The following STPG4 variants were observed in gnomAD, a reference collection of about 807,000 sequenced individuals.
STPG4 encodes the protein protein STPG4.
In STPG4, 41 loss-of-function variants were observed where a neutral mutation model predicts 31.5. The ratio of observed to expected loss-of-function variants is 1.30; its 90% CI spans 1.01 to 1.69. The LOEUF (loss-of-function observed/expected upper bound fraction) is 1.69, where lower values mean the gene tolerates loss of function less well. Among genes scored for constraint, STPG4 ranks in the 40% most tolerant of loss-of-function variants. The pLI is 0.00. For synonymous variants in STPG4, 141 were observed against 103.0 expected (o/e 1.37, Z -2.24); for missense variants, 375 against 293.4 (o/e 1.28, Z -2.03).
chr2:47,104,360 T>C (rs1685859602), intron 5 of STPG4, among the ~76,000 whole-genome samples: 1 of 151,964 alleles, frequency 6.6e-6, no homozygotes, highest in Non-Finnish European at 1.5e-5. Flanking sequence ...ACCCCAATTC[T>C]GGGAGTAAAA....
intron 3 of STPG4, among the ~76,000 whole-genome samples, chr2:47,143,524 C>T (rs1164008667): frequency 8.0e-5 from 12 of 149,226 alleles, no homozygotes; most frequent in South Asian, 2.1e-4. Context: ...CTCGCTCTGT[C>T]GCCCAGGCTG....
At chr2:47,090,896 A>G (rs1685557703) in intron 5 of STPG4, among the ~76,000 whole-genome samples, 1 of 140,542 alleles carries the variant, frequency 7.1e-6, no homozygotes, top group Non-Finnish European at 1.5e-5. Context: ...ACAATTTTAA[A>G]AAGACAATCA....
At chr2:47,135,979 T>G (rs1366233207) in intron 3 of STPG4, among the ~76,000 whole-genome samples, 1 of 152,214 alleles carries the variant, frequency 6.6e-6, no homozygotes, top group Non-Finnish European at 1.5e-5. Context: ...GTTTTTGCCT[T>G]TCCATATATA....
intron 3 of STPG4, among the ~76,000 whole-genome samples, chr2:47,133,492 A>C (rs1366493307): frequency 6.6e-6 from 1 of 151,412 alleles, no homozygotes; most frequent in East Asian, 1.9e-4. Context: ...AGGCTTAGAG[A>C]ATCTAGGCAA....
At chr2:47,153,662 A>T (rs547626814) in intron 1 of STPG4, among the ~76,000 whole-genome samples, 2 of 152,142 alleles carry the variant, frequency 1.3e-5, no homozygotes, top group East Asian at 3.9e-4. Context: ...TGTAATCCCT[A>T]CTCATGAGGC....
chr2:47,090,360 A>C lies in STPG4; in HGVS notation c.534T>G (p.Gly178=). The C allele has an allele frequency of 6.4e-7, 1 of 1,551,230 alleles. No individual in the cohort carries two copies. The highest frequency in any genetic ancestry group is 8.7e-7 in the Non-Finnish European group (1 of 1,146,182). Residue 178 remains glycine, a synonymous_variant, in exon 6 of 7, where the codon GGT becomes GGG. Coordinates refer to ENST00000445927, the MANE Select transcript of STPG4 (RefSeq NM_001163561.2). ...TTYFIPHEGP[G]PGHYNVKMPP... ...GCATTTTCACATTATAATGACCTGG[A>C]CCAGGGCCTTCATGCTATTGAACAT...
At chr2:47,111,679 A>G (rs1686038608) in intron 5 of STPG4, among the ~76,000 whole-genome samples, 1 of 152,204 alleles carries the variant, frequency 6.6e-6, no homozygotes, top group Non-Finnish European at 1.5e-5. Context: ...GGTAAAAAAA[A>G]AATGGCCCTT....
At chr2:47,153,788 G>C (rs1686979883) in intron 1 of STPG4, among the ~76,000 whole-genome samples, 2 of 152,106 alleles carry the variant, frequency 1.3e-5, no homozygotes, top group South Asian at 4.1e-4. Context: ...GGAAAAAAAA[G>C]ACTAAGGCAT....
At chr2:47,118,885 T>C (rs1181671068) in intron 5 of STPG4, among the ~76,000 whole-genome samples, 1 of 152,216 alleles carries the variant, frequency 6.6e-6, no homozygotes, top group African/African-American at 2.4e-5. Flanking sequence ...CTGTAGTTGA[T>C]TTATAAAGTT....
chr2:47,135,915 G>A (rs1028144046), intron 3 of STPG4, among the ~76,000 whole-genome samples: 2 of 152,156 alleles, frequency 1.3e-5, no homozygotes, highest in East Asian at 1.9e-4. Context: ...AAGTCAGGTA[G>A]TGTCAGTCCT....
At chr2:47,138,551 C>G (rs945066211) in intron 3 of STPG4, among the ~76,000 whole-genome samples, 1 of 151,950 alleles carries the variant, frequency 6.6e-6, no homozygotes, top group African/African-American at 2.4e-5. Context: ...GCCACCATGC[C>G]TGGTTAATTT....
chr2:47,097,157 C>T (rs1029068462), intron 5 of STPG4, among the ~76,000 whole-genome samples: 1 of 152,094 alleles, frequency 6.6e-6, no homozygotes, highest in African/African-American at 2.4e-5. Flanking sequence ...TACTATGTTA[C>T]AAAATTTAAT....
intron 5 of STPG4, among the ~76,000 whole-genome samples, chr2:47,125,354 G>A (rs1227271189): frequency 6.6e-6 from 1 of 152,154 alleles, no homozygotes; most frequent in African/African-American, 2.4e-5. Flanking sequence ...TAGGGAGGTC[G>A]AGGCTGCAGT....
intron 5 of STPG4, among the ~76,000 whole-genome samples, chr2:47,126,044 T>C (rs970852814): frequency 6.6e-6 from 1 of 152,172 alleles, no homozygotes; most frequent in African/African-American, 2.4e-5. Context: ...ATATATGGAT[T>C]TATTTCTGGG....
intron 5 of STPG4, among the ~76,000 whole-genome samples, chr2:47,095,632 A>G (rs575608946): frequency 2.5e-4 from 38 of 152,192 alleles, no homozygotes; most frequent in Non-Finnish European, 3.8e-4. Context: ...TTCAGCCAAT[A>G]TACATTGTTC....
intron 5 of STPG4, among the ~76,000 whole-genome samples, chr2:47,113,081 GAAAT>G (rs956232738): frequency 5.3e-5 from 8 of 150,360 alleles, no homozygotes; most frequent in African/African-American, 2.0e-4. Flanking sequence ...AGTAGTAGAA[GAAAT>G]AAATAAGGGA....
At position 47,091,150 on chromosome 2, in the gene STPG4, AAGGG is replaced by A. The variant is rs547620600; in HGVS notation, c.520-780_520-777del. 5.2e-3 allele frequency among the ~76,000 whole-genome samples: 679 copies of A among 130,574 alleles called. 10 individuals carry two copies. The highest frequency in any genetic ancestry group is 0.036 in the Admixed American group (442 of 12,168). 85.7% of individuals were successfully genotyped at this position (130,574 alleles called of 152,430 possible). ...AGAAAAGGAAGGAAAGAAGGAAGGGAAGGGAGGGAGGGAGGGAGGGAGGGGAAGG... is the reference window on the plus strand; with the variant it reads ...AGAAAAGGAAGGAAAGAAGGAAGGGAAGGGAGGGAGGGAGGGAGGGGAAGG... On this transcript the variant is annotated intron_variant, in intron 5 of 6. Transcript: ENST00000445927.
At chr2:47,130,059 CT>C in intron 4 of STPG4, 64 bp from the exon 5 acceptor site, 2 of 1,483,122 alleles carry the variant, frequency 1.3e-6, no homozygotes, top group Non-Finnish European at 1.9e-6. Context: ...TCTTTGTTAA[CT>C]TATTCCCTAC....
chr2:47,090,529 G>A (rs1418320796), intron 5 of STPG4, among the ~76,000 whole-genome samples, 155 bp from the exon 6 acceptor site: 20 of 152,128 alleles, frequency 1.3e-4, no homozygotes, highest in Admixed American at 1.3e-3. Context: ...TGTGAGCTGG[G>A]ACAAGTCATT....
Sources: allele counts gnomAD v4.1 joint callset (sites outside exome capture counted in the v4.1 genomes callset), GRCh38; gene constraint gnomAD v4.1.1; transcripts MANE v1.5; gene names NCBI Gene and HGNC (gene_info 2026-07-23, HGNC 2026-07-21).